IFIH1: variants seen among roughly 807,000 people sequenced by gnomAD.
IFIH1 encodes interferon-induced helicase C domain-containing protein 1.
In IFIH1, 125 loss-of-function variants were observed where a neutral mutation model predicts 107.4. The observed-to-expected ratio is 1.16, with a 90% CI of 1.01 to 1.35. IFIH1 has a LOEUF of 1.35. IFIH1 is among the 40% of genes most tolerant of loss of function. IFIH1 has a pLI of 0.00. For synonymous variants in IFIH1, 458 were observed against 413.2 expected, an observed-to-expected ratio of 1.11 and a Z score of -1.31; for missense variants, 1,333 against 1,213.7, an observed-to-expected ratio of 1.10 and a Z score of -1.46.
intron 1 of IFIH1, among the ~76,000 whole-genome samples, 186 bp downstream of exon 1, chr2:162,317,669 A>G (rs1363441292): frequency 2.0e-5 from 3 of 152,252 alleles, no homozygotes; most frequent in African/African-American, 7.2e-5. Context: ...TGAAAACATT[A>G]GAAAAGTAGT....
chr2:162,286,707 G>T (rs745814344), intron 5 of IFIH1, among the ~76,000 whole-genome samples: 2 of 151,892 alleles, frequency 1.3e-5, no homozygotes, highest in Non-Finnish European at 2.9e-5. Flanking sequence ...AGTTTAAGTA[G>T]CTTTGAATCC....
chr2:162,289,843 C>A (rs1576230328), intron 4 of IFIH1, among the ~76,000 whole-genome samples: 1 of 152,086 alleles, frequency 6.6e-6, no homozygotes, highest in East Asian at 1.9e-4. Flanking sequence ...AAATCACCAG[C>A]ATTTAAAATA....
Position 162,318,173 on chromosome 2 carries a change from C to A in IFIH1, c.135G>T (p.Gln45His). Residue 45 changes from glutamine (Q) to histidine (H), a missense_variant, in exon 1 of 16, where the codon CAG becomes CAT. Gln to His is a conservative substitution (Grantham distance 24). Coordinates refer to ENST00000649979, the MANE Select transcript of IFIH1 (RefSeq NM_022168.4). ...LTFLPAEVKE[Q>H]IQRTVATSGN... ...CGGAGGTGGCGACTGTCCTCTGAAT[C>A]TGCTCCTTCACCTCTGCAGGCAGAA... 1 of 1,614,234 alleles carries A rather than the reference C, an allele frequency of 6.2e-7. No individual in the cohort carries two copies. Among genetic ancestry groups the A allele is most frequent in the South Asian group, 1.1e-5 (1 of 91,088 alleles).
chr2:162,305,209 G>T (rs1683260359), intron 3 of IFIH1, among the ~76,000 whole-genome samples: 1 of 152,274 alleles, frequency 6.6e-6, no homozygotes, highest in Admixed American at 6.5e-5. Context: ...GGGAATATTG[G>T]TGACTTCTTT....
Position 162,308,568 on chromosome 2 carries a change from C to T in IFIH1, c.623-1713G>A, listed in dbSNP as rs538052313. 4.6e-4 allele frequency among the ~76,000 whole-genome samples: 70 copies of T among 151,932 alleles called. 1 individual carries two copies. The highest frequency in any genetic ancestry group is 1.2e-3 in the South Asian group (6 of 4,806). On this transcript the variant is annotated intron_variant, in intron 2 of 15. Coordinates refer to ENST00000649979, the MANE Select transcript of IFIH1 (RefSeq NM_022168.4). ...AATTTTTGTATTCTTAGTAGAGATG[C>T]GGTTTCGCCATGTTGGCCAGGCTGG...
At chr2:162,279,314 T>C (rs1005116007) in intron 8 of IFIH1, among the ~76,000 whole-genome samples, 8 of 152,130 alleles carry the variant, frequency 5.3e-5, no homozygotes, top group Non-Finnish European at 1.2e-4. Context: ...TTATCTACTA[T>C]GCATATTTCA....
At chr2:162,283,664 T>C (rs539871951) in intron 5 of IFIH1, among the ~76,000 whole-genome samples, 1 of 152,150 alleles carries the variant, frequency 6.6e-6, no homozygotes, top group African/African-American at 2.4e-5. Context: ...GTAGGGTTTG[T>C]GTTATTCATC....
Position 162,273,892 on chromosome 2 carries a change from A to C in IFIH1, c.2357T>G (p.Leu786Arg), listed in dbSNP as rs774809633. The C allele has an allele frequency of 6.2e-7, 1 of 1,610,058 alleles. No homozygotes were observed. The highest frequency in any genetic ancestry group is 1.1e-5 in the South Asian group (1 of 90,660). Residue 786 changes from leucine (L) to arginine (R), a missense_variant, in exon 12 of 16, where the codon CTT becomes CGT. Leu to Arg is a moderately radical substitution (Grantham distance 102). Coordinates refer to ENST00000649979, the MANE Select transcript of IFIH1 (RefSeq NM_022168.4). ...TTCTTCTGCCACTGTGGTAGCGATA[A>C]GCAGATTTATTTTTCCAGTGCGAAA... ...SKFRTGKINLLIATTVAEEGL... is the reference protein window; with the variant it reads ...SKFRTGKINLRIATTVAEEGL...
At chr2:162,313,648 T>C (rs1373837423) in intron 1 of IFIH1, among the ~76,000 whole-genome samples, 1 of 152,170 alleles carries the variant, frequency 6.6e-6, no homozygotes, top group African/African-American at 2.4e-5. Flanking sequence ...TATTTAAATA[T>C]AATGGTGATT....
In IFIH1 at chr2:162,272,434, C is replaced by A. The variant is rs76815515; in HGVS notation, c.2455-47G>T. Reference sequence around the variant, plus strand: ...GTAAATGAAAGGGTACGTTGTGATACAAATCCTCCTGGTTTTTTCTGGGAA... The same window carrying A: ...GTAAATGAAAGGGTACGTTGTGATAAAAATCCTCCTGGTTTTTTCTGGGAA... On this transcript the variant is annotated intron_variant, in intron 12 of 15. Transcript: ENST00000649979. The A allele has an allele frequency of 2.1e-3, 3,272 of 1,530,380 alleles. 4 individuals are homozygous for A. Among genetic ancestry groups the A allele is most frequent in the Non-Finnish European group, 2.7e-3 (3,066 of 1,119,974 alleles). The allele number at this position is 1,530,380 out of a possible 1,614,324, so 94.8% of individuals were successfully genotyped here.
intron 5 of IFIH1, among the ~76,000 whole-genome samples, chr2:162,284,694 T>C (rs1265775224): frequency 2.0e-5 from 3 of 152,022 alleles, no homozygotes; most frequent in African/African-American, 7.2e-5. Context: ...GGTTGCTGTG[T>C]AGATTTAATG....
intron 8 of IFIH1, 149 bp downstream of exon 8, chr2:162,279,847 T>C: frequency 1.6e-6 from 1 of 636,910 alleles, no homozygotes; most frequent in Non-Finnish European, 2.8e-6. Context: ...AGTGCTTTAC[T>C]GCCTAACATC....
intron 13 of IFIH1, among the ~76,000 whole-genome samples, chr2:162,270,843 G>A (rs1051496767): frequency 1.1e-4 from 17 of 152,136 alleles, no homozygotes; most frequent in African/African-American, 4.1e-4. Flanking sequence ...TGTATTTAAA[G>A]GGGTTTTAAA....
intron 1 of IFIH1, among the ~76,000 whole-genome samples, chr2:162,316,423 A>C (rs1240437201): frequency 6.6e-6 from 1 of 152,222 alleles, no homozygotes; most frequent in East Asian, 1.9e-4. Flanking sequence ...TCAATACACA[A>C]AACGACATAA....
intron 12 of IFIH1, 88 bp downstream of exon 12, chr2:162,273,707 G>A: frequency 1.0e-6 from 1 of 989,286 alleles, no homozygotes; most frequent in Non-Finnish European, 1.5e-6. Flanking sequence ...CTAAAAAGAT[G>A]TTTTTGCTGT....
chr2:162,285,450 G>C (rs1190284423), intron 5 of IFIH1, among the ~76,000 whole-genome samples: 1 of 151,878 alleles, frequency 6.6e-6, no homozygotes, highest in East Asian at 1.9e-4. Context: ...CTGGGCCAGA[G>C]GTGTTCTGAC....
At position 162,318,501 on chromosome 2, in the gene IFIH1, T is replaced by TGGGCAGGC. The variant is rs1172295759; in HGVS notation, c.-202_-195dup. 3 of 384,348 alleles carry TGGGCAGGC rather than the reference T, an allele frequency of 7.8e-6. No homozygotes were observed. Among genetic ancestry groups the TGGGCAGGC allele is most frequent in the Admixed American group, 4.6e-5 (1 of 21,774 alleles). 23.8% of individuals were successfully genotyped at this position (384,348 alleles called of 1,614,324 possible). A position where few individuals can be genotyped will look rare whatever the true frequency, so the allele number is the denominator to read the frequency against. Reference sequence around the variant, plus strand: ...GGGGCTGCACTCGCACCTGGGCAGGTGGGCAGGCGGGCAGGTGGGCAGCGG... The same window carrying TGGGCAGGC: ...GGGGCTGCACTCGCACCTGGGCAGGTGGGCAGGCGGGCAGGCGGGCAGGTGGGCAGCGG... On this transcript the variant is annotated 5_prime_UTR_variant, in exon 1 of 16. Coordinates refer to ENST00000649979, the MANE Select transcript of IFIH1 (RefSeq NM_022168.4).
At chr2:162,292,552 T>C (rs1683012945) in intron 4 of IFIH1, among the ~76,000 whole-genome samples, 1 of 151,878 alleles carries the variant, frequency 6.6e-6, no homozygotes, top group Non-Finnish European at 1.5e-5. Context: ...TATAAACTAT[T>C]TTGCCACCTT....
In IFIH1 at chr2:162,278,293, T is replaced by G; in HGVS notation, c.1677A>C (p.Thr559=). 4.0e-6 allele frequency: 6 copies of G among 1,493,152 alleles called. No individual in the cohort carries two copies. Among genetic ancestry groups the G allele is most frequent in the Non-Finnish European group, 5.6e-6 (6 of 1,078,300 alleles). The allele number at this position is 1,493,152 out of a possible 1,614,324, so 92.5% of individuals were successfully genotyped here. A position where few individuals can be genotyped will look rare whatever the true frequency, so the allele number is the denominator to read the frequency against. Residue 559 remains threonine, a synonymous_variant, in exon 9 of 16, where the codon ACA becomes ACC. Transcript: ENST00000649979. ...PFKEKLLEIM[T]RIQTYCQMSP... is the part of the protein sequence containing the mutation. ...TCATTTGACAATAAGTTTGAATCCT[T>G]GTCATTATTTCTAGAAGTTTCTCTT... is the stretch of plus-strand genomic sequence containing the variant.
Sources: gnomAD v4.1 joint callset for allele counts (sites outside exome capture counted in the v4.1 genomes callset) on GRCh38, gnomAD v4.1.1 for gene constraint, MANE v1.5 for transcripts, NCBI Gene and HGNC (gene_info 2026-07-23, HGNC 2026-07-21) for gene names.